IGF1R: variants seen among roughly 807,000 people sequenced by gnomAD.
The protein encoded by IGF1R is insulin like growth factor 1 receptor.
Under a neutral mutation model 144.6 loss-of-function variants are expected in IGF1R, and 44 were observed. That is an observed-to-expected ratio of 0.30 (90% CI 0.24 to 0.39). The LOEUF (loss-of-function observed/expected upper bound fraction) is 0.39. Among genes scored for constraint, IGF1R ranks in the 10% least tolerant of loss-of-function variants. The probability of loss-of-function intolerance (pLI) is 1.00; values close to 1 mark genes in which losing one functional copy is unlikely to be tolerated. For synonymous variants in IGF1R, 795 were observed against 722.8 expected (o/e 1.10, Z -1.60); for missense variants, 1,355 against 1,833.7 (o/e 0.74, Z 4.77).
Position 98,669,017 on chromosome 15 carries a change from T to C in IGF1R, c.94+19342T>C, listed in dbSNP as rs114037930. On this transcript the variant is annotated intron_variant, in intron 1 of 20. Coordinates refer to ENST00000650285, the MANE Select transcript of IGF1R (RefSeq NM_000875.5). Reference sequence around the variant, plus strand: ...ACTATTTTAAATCTGACCCTGCCATTATGTTGTTTTGTTTCTGTTCACAGC... The same window carrying C: ...ACTATTTTAAATCTGACCCTGCCATCATGTTGTTTTGTTTCTGTTCACAGC... 7.5e-3 allele frequency among the ~76,000 whole-genome samples: 1,145 copies of C among 152,316 alleles called. 17 individuals are homozygous for C. Among genetic ancestry groups the C allele is most frequent in the African/African-American group, 0.026 (1,089 of 41,564 alleles).
intron 2 of IGF1R, among the ~76,000 whole-genome samples, chr15:98,777,101 G>T (rs1455411031): frequency 6.6e-6 from 1 of 152,146 alleles, no homozygotes; most frequent in Non-Finnish European, 1.5e-5. Flanking sequence ...TGTTTCCCGG[G>T]GTGTGCTCAG....
chr15:98,930,467 T>A (rs569496243), intron 15 of IGF1R, among the ~76,000 whole-genome samples, 162 bp downstream of exon 15: 1 of 152,228 alleles, frequency 6.6e-6, no homozygotes, highest in Admixed American at 6.5e-5. Flanking sequence ...TTTTTTTTTT[T>A]AATCAAAGTT....
intron 2 of IGF1R, among the ~76,000 whole-genome samples, chr15:98,827,173 A>T (rs1449410317): frequency 1.3e-5 from 2 of 152,230 alleles, no homozygotes; most frequent in African/African-American, 4.8e-5. Flanking sequence ...ACAAATAAAC[A>T]TGACAATGAA....
At chr15:98,771,169 A>G (rs1384319749) in intron 2 of IGF1R, among the ~76,000 whole-genome samples, 2 of 152,192 alleles carry the variant, frequency 1.3e-5, no homozygotes, top group African/African-American at 2.4e-5. Flanking sequence ...TATTCCATTC[A>G]TCATTCATCC....
intron 1 of IGF1R, among the ~76,000 whole-genome samples, chr15:98,693,007 G>A (rs535359448): frequency 1.3e-5 from 2 of 152,150 alleles, no homozygotes; most frequent in East Asian, 1.9e-4. Flanking sequence ...CCTTTGTCCC[G>A]TGTTCCATTT....
At position 98,648,937 on chromosome 15, in the gene IGF1R, G is replaced by C. The variant is rs2052264465; in HGVS notation, c.-645G>C. ...GCGGCGGGAGTGCTGAGCGCGGCGC[G>C]GCCGGCCCGCCGCTTTGTGTGTGTC... On this transcript the variant is annotated 5_prime_UTR_variant, in exon 1 of 21. Transcript: ENST00000650285. The C allele has an allele frequency of 1.6e-5, 3 of 182,096 alleles. No individual in the cohort carries two copies. 11.3% of individuals were successfully genotyped at this position (182,096 alleles called of 1,614,324 possible). A position where few individuals can be genotyped will look rare whatever the true frequency, so the allele number is the denominator to read the frequency against.
In IGF1R at chr15:98,678,542, T is replaced by G. The variant is rs374549060; in HGVS notation, c.94+28867T>G. Among the ~76,000 whole-genome samples the G allele has an allele frequency of 6.0e-4, 92 of 152,138 alleles. No homozygotes were observed. The East Asian group carries it at 0.012, about 20-fold the overall frequency. On this transcript the variant is annotated intron_variant, in intron 1 of 20. Transcript: ENST00000650285. ...GTTTTTGTTGTGTTTCTTTTTGTTG[T>G]TGGTGTTGTTTTTAGTCTTCAGTGC...
At chr15:98,834,067 C>G (rs1245913797) in intron 2 of IGF1R, among the ~76,000 whole-genome samples, 1 of 152,206 alleles carries the variant, frequency 6.6e-6, no homozygotes, top group Admixed American at 6.5e-5. Context: ...TAAAATCCTT[C>G]TTTACCCTTA....
rs375411988 is a variant in IGF1R, at chr15:98,962,428, CACTT to C, written c.*4987_*4990del. 3.0e-3 allele frequency: 703 copies of C among 233,778 alleles called. 4 individuals are homozygous for C. The highest frequency in any genetic ancestry group is 0.012 in the African/African-American group (566 of 45,476). 14.5% of individuals were successfully genotyped at this position (233,778 alleles called of 1,614,324 possible). A position where few individuals can be genotyped will look rare whatever the true frequency, so the allele number is the denominator to read the frequency against. On this transcript the variant is annotated 3_prime_UTR_variant, in exon 21 of 21. Transcript: ENST00000650285. The stretch of plus-strand genomic sequence containing the variant: ...CTCCTTAAGAACCAGTGGCGAAAGA[CACTT>C]TCTTTCTTCACTCTGAAGTAGCTGG...
rs2151670412 is a variant in IGF1R, at chr15:98,908,893, G to A, written c.1456G>A (p.Ala486Thr). ...DINTRNNGER[A>T]SCESDVLHFT... ...AAACACCAGGAACAACGGGGAGAGA[G>A]CCTCCTGTGAGTGACAGCATCCAAA... Residue 486 changes from alanine to threonine, a missense_variant, in exon 6 of 21, where the codon GCC (alanine) becomes ACC (threonine). By Grantham distance (58) the Ala-to-Thr change is moderately conservative. This residue lies in a region of IGF1R where 880 missense variants were observed against 1,202.7 expected (regional missense o/e 0.73). Coordinates refer to ENST00000650285, the MANE Select transcript of IGF1R (RefSeq NM_000875.5). The A allele has an allele frequency of 6.2e-7, 1 of 1,613,336 alleles. No homozygotes were observed. The highest frequency in any genetic ancestry group is 8.5e-7 in the Non-Finnish European group (1 of 1,179,590).
Position 98,962,557 on chromosome 15 carries a change from T to C in IGF1R, c.*5115T>C, listed in dbSNP as rs1207383859. 1 of 233,560 alleles carries C rather than the reference T, an allele frequency of 4.3e-6. No homozygotes were observed. The highest frequency in any genetic ancestry group is 6.0e-5 in the East Asian group (1 of 16,596). The allele number at this position is 233,560 out of a possible 1,614,324, so 14.5% of individuals were successfully genotyped here. On this transcript the variant is annotated 3_prime_UTR_variant, in exon 21 of 21. Coordinates refer to ENST00000650285, the MANE Select transcript of IGF1R (RefSeq NM_000875.5). Reference sequence around the variant, plus strand: ...ACCTTGGACAGGTCAGAGGGTTTCATTTTTGGCCTTCATCTTAGATGACTG... The same window carrying C: ...ACCTTGGACAGGTCAGAGGGTTTCACTTTTGGCCTTCATCTTAGATGACTG...
chr15:98,820,249 A>G (rs1380084167), intron 2 of IGF1R, among the ~76,000 whole-genome samples: 1 of 152,156 alleles, frequency 6.6e-6, no homozygotes, highest in Non-Finnish European at 1.5e-5. Context: ...TGGTCTTATA[A>G]GAGTCACATA....
At chr15:98,782,015 A>G (rs902419676) in intron 2 of IGF1R, among the ~76,000 whole-genome samples, 2 of 151,936 alleles carry the variant, frequency 1.3e-5, no homozygotes, top group East Asian at 3.9e-4. Context: ...TTTTTTTGAG[A>G]TGGGGTCTTG....
intron 2 of IGF1R, among the ~76,000 whole-genome samples, chr15:98,834,709 A>G (rs901048409): frequency 6.6e-6 from 1 of 152,148 alleles, no homozygotes; most frequent in African/African-American, 2.4e-5. Flanking sequence ...GTGGTCCTGG[A>G]TGGTTCAGTA....
intron 20 of IGF1R, chr15:98,954,518 G>T (rs1282282565): frequency 6.6e-6 from 1 of 152,188 alleles, no homozygotes; most frequent in African/African-American, 2.4e-5. Flanking sequence ...GAATCCCACA[G>T]AGCAAAAAAG....
intron 1 of IGF1R, among the ~76,000 whole-genome samples, chr15:98,693,599 T>C (rs548725880): frequency 3.3e-4 from 50 of 152,306 alleles, no homozygotes; most frequent in Middle Eastern, 6.8e-3. Context: ...CCTGATCGAA[T>C]GACCTCCTGT....
At chr15:98,927,924 A>T (rs2015786234) in intron 13 of IGF1R, among the ~76,000 whole-genome samples, 1 of 152,142 alleles carries the variant, frequency 6.6e-6, no homozygotes, top group South Asian at 2.1e-4. Flanking sequence ...GAGGTCTCAG[A>T]TTCCTTGTGC....
intron 2 of IGF1R, among the ~76,000 whole-genome samples, chr15:98,724,704 G>C (rs1222703790): frequency 6.6e-6 from 1 of 152,204 alleles, no homozygotes; most frequent in Non-Finnish European, 1.5e-5. Flanking sequence ...CTCTGATGTA[G>C]AAAGCAAGAG....
Position 98,960,090 on chromosome 15 carries a change from T to G in IGF1R, c.*2648T>G. On this transcript the variant is annotated 3_prime_UTR_variant, in exon 21 of 21. Transcript: ENST00000650285. ...CTCACTCTTATTTTTTATATGTGTATATAGACAAAAGAATACATCTCACCT... is the reference window on the plus strand; with the variant it reads ...CTCACTCTTATTTTTTATATGTGTAGATAGACAAAAGAATACATCTCACCT... 2 of 233,650 alleles carry G rather than the reference T, an allele frequency of 8.6e-6. No individual in the cohort carries two copies. Among genetic ancestry groups the G allele is most frequent in the Non-Finnish European group, 1.7e-5 (2 of 118,054 alleles). 14.5% of individuals were successfully genotyped at this position (233,650 alleles called of 1,614,324 possible).
Sources: gnomAD v4.1 joint callset for allele counts (sites outside exome capture counted in the v4.1 genomes callset) on GRCh38, gnomAD v4.1.1 for gene constraint, gnomAD v4.1.1 regional missense constraint, MANE v1.5 for transcripts, NCBI Gene and HGNC (gene_info 2026-07-23, HGNC 2026-07-21) for gene names.